The following EHBP1 variants were observed in gnomAD, a reference collection of about 807,000 sequenced individuals.
EHBP1 encodes EH domain-binding protein 1.
EHBP1 carries 55 observed loss-of-function variants against 144.0 expected under a neutral mutation model. The observed-to-expected ratio is 0.38, with a 90% CI of 0.31 to 0.48. The LOEUF (loss-of-function observed/expected upper bound fraction) is 0.48. Ranked by LOEUF, EHBP1 falls within the 20% of genes least tolerant of loss-of-function variation. The probability of loss-of-function intolerance (pLI) is 0.98; values close to 1 mark genes in which losing one functional copy is unlikely to be tolerated. For synonymous variants in EHBP1, 469 were observed against 472.7 expected (o/e 0.99, Z 0.10); for missense variants, 1,200 against 1,364.2 (o/e 0.88, Z 1.90).
At position 62,771,616 on chromosome 2, in the gene EHBP1, T is replaced by G. The variant is rs559859257; in HGVS notation, c.312+224T>G. 2.2e-4 allele frequency: 75 copies of G among 336,446 alleles called. 1 individual carries two copies. Among genetic ancestry groups the G allele is most frequent in the African/African-American group, 1.3e-3 (62 of 46,500 alleles). 20.8% of individuals were successfully genotyped at this position (336,446 alleles called of 1,614,324 possible). A position where few individuals can be genotyped will look rare whatever the true frequency, so the allele number is the denominator to read the frequency against. On this transcript the variant is annotated intron_variant, in intron 5 of 22. Transcript: ENST00000431489. ...AGTCTTCAATACTAAATTGTATGTATGTTTGTATGTATGCGTGTGTATATG... is the reference window on the plus strand; with the variant it reads ...AGTCTTCAATACTAAATTGTATGTAGGTTTGTATGTATGCGTGTGTATATG...
intron 12 of EHBP1, among the ~76,000 whole-genome samples, chr2:62,944,433 A>C (rs1046411995): frequency 7.2e-5 from 11 of 152,198 alleles, no homozygotes; most frequent in Non-Finnish European, 1.3e-4. Context: ...ATTGTGTTAC[A>C]ATTACCTACA....
At chr2:62,728,259 G>A (rs897766256) in intron 2 of EHBP1, among the ~76,000 whole-genome samples, 4 of 152,138 alleles carry the variant, frequency 2.6e-5, no homozygotes, top group African/African-American at 9.7e-5. Context: ...TCTATCTCAG[G>A]TACATACCTG....
At chr2:62,744,264 T>C (rs1024118725) in intron 2 of EHBP1, among the ~76,000 whole-genome samples, 3 of 152,158 alleles carry the variant, frequency 2.0e-5, no homozygotes, top group Admixed American at 6.6e-5. Flanking sequence ...TTGAATTCTC[T>C]CTGAAACCCT....
At chr2:62,979,397 G>A in intron 15 of EHBP1, 62 bp downstream of exon 15, 2 of 1,531,182 alleles carry the variant, frequency 1.3e-6, no homozygotes, top group East Asian at 2.3e-5. Flanking sequence ...GGACCTTTTG[G>A]GACTTTTTAT....
At chr2:63,011,670 GA>G (rs1315401130) in intron 19 of EHBP1, among the ~76,000 whole-genome samples, 10 of 151,786 alleles carry the variant, frequency 6.6e-5, no homozygotes, top group African/African-American at 2.2e-4. Context: ...TTTCAGGAGG[GA>G]CATTCCCTAT....
At chr2:62,749,048 A>G (rs574570662) in intron 3 of EHBP1, among the ~76,000 whole-genome samples, 192 of 152,212 alleles carry the variant, frequency 1.3e-3, no homozygotes, top group African/African-American at 4.0e-3. Flanking sequence ...GGTTTGTTAC[A>G]TATGTATACA....
At chr2:62,977,873 G>T (rs1439155001) in intron 14 of EHBP1, among the ~76,000 whole-genome samples, 5 of 152,154 alleles carry the variant, frequency 3.3e-5, no homozygotes, top group Non-Finnish European at 5.9e-5. Context: ...TGGTTGGGGG[G>T]ATAGTCAGGG....
Position 62,874,452 on chromosome 2 carries a change from C to G in EHBP1, c.1105C>G (p.Pro369Ala), listed in dbSNP as rs150973298. 3.4e-3 allele frequency: 5,554 copies of G among 1,613,502 alleles called. 19 individuals carry two copies. Among genetic ancestry groups the G allele is most frequent in the Non-Finnish European group, 4.0e-3 (4,752 of 1,179,638 alleles). Residue 369 changes from proline (P) to alanine (A), a missense_variant, in exon 10 of 23, where the codon CCA becomes GCA. Physicochemically the swap from Pro to Ala is conservative, Grantham distance 27 (BLOSUM62 -1). Transcript: ENST00000431489. ...GCGAGTGAAAAGAAAGGCCCCGGCT[C>G]CACCAGTCCTCTCACCAAAAACAGG... is the stretch of plus-strand genomic sequence containing the variant. The part of the protein sequence containing the change: ...ERRVKRKAPA[P>A]PVLSPKTGVL...
intron 14 of EHBP1, among the ~76,000 whole-genome samples, chr2:62,963,625 A>G (rs1049411834): frequency 1.3e-5 from 2 of 152,220 alleles, no homozygotes; most frequent in Non-Finnish European, 2.9e-5. Context: ...CTAATTACAC[A>G]TATTATCAAT....
intron 12 of EHBP1, among the ~76,000 whole-genome samples, chr2:62,947,811 A>T (rs1245284904): frequency 6.6e-6 from 1 of 152,174 alleles, no homozygotes; most frequent in Admixed American, 6.5e-5. Context: ...CTAGGCTTAA[A>T]TTGCATTTAT....
intron 19 of EHBP1, among the ~76,000 whole-genome samples, chr2:63,010,186 T>C (rs1407239674): frequency 6.6e-6 from 1 of 151,312 alleles, no homozygotes; most frequent in Non-Finnish European, 1.5e-5. Context: ...ACTATAAATG[T>C]TTGCAAATAT....
At chr2:62,976,773 T>C (rs1021120022) in intron 14 of EHBP1, among the ~76,000 whole-genome samples, 1 of 152,198 alleles carries the variant, frequency 6.6e-6, no homozygotes, top group Non-Finnish European at 1.5e-5. Flanking sequence ...AACTACCTAC[T>C]AACATCTACT....
intron 2 of EHBP1, among the ~76,000 whole-genome samples, chr2:62,735,147 C>T (rs2037999470): frequency 6.6e-6 from 1 of 152,158 alleles, no homozygotes; most frequent in Non-Finnish European, 1.5e-5. Flanking sequence ...CTCCTGCTTC[C>T]ACCTTCTAAA....
chr2:62,738,977 G>A (rs988057660), intron 2 of EHBP1, among the ~76,000 whole-genome samples: 1 of 152,118 alleles, frequency 6.6e-6, no homozygotes, highest in African/African-American at 2.4e-5. Flanking sequence ...TTAAGAGGGA[G>A]ACTGTACAAA....
intron 5 of EHBP1, among the ~76,000 whole-genome samples, chr2:62,790,352 A>G (rs1314343206): frequency 6.6e-6 from 1 of 152,160 alleles, no homozygotes; most frequent in Non-Finnish European, 1.5e-5. Flanking sequence ...TCTTTGAAAA[A>G]AGCACACATT....
chr2:62,769,182 T>G (rs77898385), intron 4 of EHBP1, among the ~76,000 whole-genome samples: 4 of 152,170 alleles, frequency 2.6e-5, no homozygotes, highest in South Asian at 2.1e-4. Flanking sequence ...GAGAAAGAAA[T>G]AAAGCGCATC....
chr2:62,975,901 C>T (rs1318513545), intron 14 of EHBP1, among the ~76,000 whole-genome samples: 1 of 144,084 alleles, frequency 6.9e-6, no homozygotes, highest in African/African-American at 2.7e-5. Context: ...CACACACACA[C>T]ACACACACAC....
intron 10 of EHBP1, among the ~76,000 whole-genome samples, chr2:62,883,869 G>GTTAA (rs2051689499): frequency 6.6e-6 from 1 of 151,954 alleles, no homozygotes; most frequent in African/African-American, 2.4e-5. Flanking sequence ...TACTTGGGAG[G>GTTAA]TTAAGGTGGG....
chr2:62,765,995 C>T (rs1305456089), intron 4 of EHBP1, among the ~76,000 whole-genome samples: 1 of 152,068 alleles, frequency 6.6e-6, no homozygotes, highest in Non-Finnish European at 1.5e-5. Flanking sequence ...TTTCCACTTC[C>T]CTTTTCTTTC....
Sources: allele counts gnomAD v4.1 joint callset (sites outside exome capture counted in the v4.1 genomes callset), GRCh38; gene constraint gnomAD v4.1.1; transcripts MANE v1.5; gene names NCBI Gene and HGNC (gene_info 2026-07-23, HGNC 2026-07-21).